Variants in CEP63 observed in about 807,000 individuals in gnomAD.
CEP63 encodes centrosomal protein 63.
CEP63 carries 84 observed loss-of-function variants against 89.1 expected under a neutral mutation model. The ratio of observed to expected loss-of-function variants is 0.94; its 90% CI spans 0.79 to 1.13. The LOEUF (loss-of-function observed/expected upper bound fraction) is 1.13, where lower values mean the gene tolerates loss of function less well. CEP63 is among the 50% of genes most tolerant of loss of function. The pLI, the probability that CEP63 is intolerant of heterozygous loss-of-function variation, is 0.00. For missense variants in CEP63, 838 were observed against 813.3 expected (o/e 1.03, Z -0.37); for synonymous variants, 267 against 272.5 (o/e 0.98, Z 0.20).
chr3:134,497,651 T>A (rs1940592715), intron 2 of CEP63, among the ~76,000 whole-genome samples: 1 of 152,214 alleles, frequency 6.6e-6, no homozygotes, highest in Non-Finnish European at 1.5e-5. Flanking sequence ...ATCACAGGCA[T>A]CAGCCACTGT....
At chr3:134,612,180 C>T in the CEP63 span, among the ~76,000 whole-genome samples, 1 of 152,164 alleles carries the variant, frequency 6.6e-6, no homozygotes, top group African/African-American at 2.4e-5. Flanking sequence ...AGGTTCAGGC[C>T]TCCTAAGCCC....
At chr3:134,738,969 A>T in the CEP63 span, among the ~76,000 whole-genome samples, 6 of 140,966 alleles carry the variant, frequency 4.3e-5, no homozygotes, top group African/African-American at 9.1e-5. Context: ...GCTATAATAA[A>T]AAAAAAAAAA....
the CEP63 span, chr3:134,608,210 A>C: frequency 4.5e-5 from 53 of 1,184,334 alleles, no homozygotes; most frequent in Middle Eastern, 1.6e-3. Flanking sequence ...GCAGGCCAGT[A>C]GCTTCTGTTG....
the CEP63 span, among the ~76,000 whole-genome samples, chr3:134,650,177 C>T: frequency 6.6e-6 from 1 of 152,228 alleles, no homozygotes; most frequent in Non-Finnish European, 1.5e-5. Context: ...TACCAATCTA[C>T]AACTTACAAA....
the CEP63 span, among the ~76,000 whole-genome samples, chr3:134,679,248 C>T: frequency 0.17 from 25,431 of 152,192 alleles, 2,660 homozygotes; most frequent in Non-Finnish European, 0.23. Context: ...ACAGGTTAAA[C>T]CCATTTTATT....
At chr3:134,637,971 T>G in the CEP63 span, among the ~76,000 whole-genome samples, 1 of 152,198 alleles carries the variant, frequency 6.6e-6, no homozygotes. Context: ...TGATTCCTCT[T>G]CCCTCTTGGA....
chr3:134,625,577 G>T, the CEP63 span, among the ~76,000 whole-genome samples: 1 of 152,214 alleles, frequency 6.6e-6, no homozygotes, highest in East Asian at 1.9e-4. Flanking sequence ...AAGGAGGGAG[G>T]TCTGTGCCAC....
In CEP63 at chr3:134,549,185, C is replaced by T; in HGVS notation, c.1182+9C>T. 6.5e-7 allele frequency: 1 copy of T among 1,534,650 alleles called. No homozygotes were observed. The highest frequency in any genetic ancestry group is 9.0e-7 in the Non-Finnish European group (1 of 1,107,836). ...AAGCAGAGATTAAGAAGGTAAAAAT[C>T]TGCATACCTAGGATTGCAAAATTGT... On this transcript the variant is annotated intron_variant, in intron 10 of 14. Transcript: ENST00000675561.
chr3:134,706,230 A>G, the CEP63 span, among the ~76,000 whole-genome samples: 4 of 152,144 alleles, frequency 2.6e-5, no homozygotes, highest in Non-Finnish European at 5.9e-5. Flanking sequence ...CAAGCTATTG[A>G]CTGTTTTCTC....
At chr3:134,603,491 G>T in the CEP63 span, 8 of 1,166,576 alleles carry the variant, frequency 6.9e-6, no homozygotes, top group Admixed American at 1.4e-4. Context: ...AGACTCAGTG[G>T]TGTCCAGGGC....
the CEP63 span, among the ~76,000 whole-genome samples, chr3:134,729,873 G>C: frequency 6.6e-6 from 1 of 152,198 alleles, no homozygotes; most frequent in African/African-American, 2.4e-5. Context: ...GGAGTTCTAG[G>C]ATGTCAGCTC....
At chr3:134,734,753 C>T in the CEP63 span, among the ~76,000 whole-genome samples, 2 of 152,166 alleles carry the variant, frequency 1.3e-5, no homozygotes, top group African/African-American at 4.8e-5. Context: ...TTGCCGTAAA[C>T]ACTGAAATAG....
Position 134,547,491 on chromosome 3 carries a change from A to G in CEP63, c.1067+19A>G, listed in dbSNP as rs1243845903. 2.5e-6 allele frequency: 4 copies of G among 1,605,050 alleles called. No individual in the cohort carries two copies. The highest frequency in any genetic ancestry group is 3.4e-6 in the Non-Finnish European group (4 of 1,172,352). ...AAGGCAGGTACATAATTATACACACATTTCAAAAATTTCAAGTTGTTAAAA... is the reference window on the plus strand; with the variant it reads ...AAGGCAGGTACATAATTATACACACGTTTCAAAAATTTCAAGTTGTTAAAA... On this transcript the variant is annotated intron_variant, in intron 9 of 14. Transcript: ENST00000675561.
intron 8 of CEP63, among the ~76,000 whole-genome samples, chr3:134,546,726 T>C (rs1234381335): frequency 1.3e-5 from 2 of 152,222 alleles, no homozygotes; most frequent in Non-Finnish European, 1.5e-5. Flanking sequence ...CTTAATTGGC[T>C]TTAACTTCTG....
the CEP63 span, among the ~76,000 whole-genome samples, chr3:134,601,923 A>G: frequency 0.63 from 95,982 of 152,128 alleles, 30,776 homozygotes; most frequent in East Asian, 0.87. Flanking sequence ...CTCACCCTGT[A>G]CTCTGGATGG....
the CEP63 span, among the ~76,000 whole-genome samples, chr3:134,746,749 C>T: frequency 6.6e-6 from 1 of 152,180 alleles, no homozygotes; most frequent in African/African-American, 2.4e-5. Context: ...TGTTCATATC[C>T]TTTACCCACT....
At chr3:134,517,722 G>A (rs1946560930) in intron 3 of CEP63, among the ~76,000 whole-genome samples, 2 of 152,068 alleles carry the variant, frequency 1.3e-5, no homozygotes, top group East Asian at 3.9e-4. Flanking sequence ...GGATCAGTGA[G>A]GAAATCACAA....
the CEP63 span, among the ~76,000 whole-genome samples, chr3:134,769,827 C>T: frequency 1.3e-5 from 2 of 152,192 alleles, no homozygotes; most frequent in South Asian, 2.1e-4. Context: ...ATGCTTACCT[C>T]GAAAGGGCAG....
intron 10 of CEP63, among the ~76,000 whole-genome samples, chr3:134,582,728 G>T (rs1419321565): frequency 6.6e-6 from 1 of 152,116 alleles, no homozygotes; most frequent in African/African-American, 2.4e-5. Context: ...GGTATTTCTA[G>T]TTCTAGACCC....
Sources: gnomAD v4.1 joint callset for allele counts (sites outside exome capture counted in the v4.1 genomes callset) on GRCh38, gnomAD v4.1.1 for gene constraint, MANE v1.5 for transcripts, NCBI Gene and HGNC (gene_info 2026-07-23, HGNC 2026-07-21) for gene names.